Variants in BAIAP3 observed in about 807,000 individuals in gnomAD.
BAIAP3 encodes BAI1 associated protein 3.
A neutral mutation model predicts 149.7 loss-of-function variants in BAIAP3; 180 were observed. The observed-to-expected ratio is 1.20, with a 90% CI of 1.07 to 1.36. The LOEUF (loss-of-function observed/expected upper bound fraction) is 1.36. Among genes scored for constraint, BAIAP3 ranks in the 40% most tolerant of loss-of-function variants. BAIAP3 has a pLI of 0.00. For synonymous variants in BAIAP3, 845 were observed against 670.7 expected (o/e 1.26, Z -4.02); for missense variants, 1,767 against 1,563.4 (o/e 1.13, Z -2.20).
chr16:1,341,637 G>C, intron 8 of BAIAP3, 148 bp downstream of exon 8: 1 of 1,257,258 alleles, frequency 8.0e-7, no homozygotes. Context: ...GAGGCCCAGA[G>C]ATGGGCGTTG....
intron 28 of BAIAP3, 56 bp from the exon 29 acceptor site, chr16:1,347,242 C>A: frequency 6.4e-7 from 1 of 1,558,294 alleles, no homozygotes; most frequent in Non-Finnish European, 8.8e-7. Context: ...GGGTCTCTAC[C>A]TGTCCCCAGC....
Position 1,348,220 on chromosome 16 carries a change from G to A in BAIAP3, c.3274G>A (p.Gly1092Ser). The change falls in exon 33 of 34, where the codon GGT becomes AGT. Residue 1092 changes from glycine to serine, a missense_variant. Gly to Ser is a moderately conservative substitution (Grantham distance 56, BLOSUM62 0). Coordinates refer to ENST00000426824, the MANE Select transcript of BAIAP3 (RefSeq NM_001199097.2). The stretch of plus-strand genomic sequence containing the variant: ...GGCCCTCGGCCTAGGTGGCGTCACT[G>A]GTGTCGCCCGGCCCCAGGTGGGCGG... The part of the protein sequence containing the change: ...EAALGLGGVT[G>S]VARPQVGGGA... 6.2e-7 allele frequency: 1 copy of A among 1,607,748 alleles called. No homozygotes were observed. Among genetic ancestry groups the A allele is most frequent in the Non-Finnish European group, 8.5e-7 (1 of 1,179,086 alleles).
intron 8 of BAIAP3, 84 bp downstream of exon 8, chr16:1,341,573 CA>C: frequency 6.7e-7 from 1 of 1,482,694 alleles, no homozygotes; most frequent in Non-Finnish European, 9.1e-7. Flanking sequence ...TGGTGGCTCG[CA>C]GCAGCTCCCG....
At position 1,339,248 on chromosome 16, in the gene BAIAP3, A is replaced by G. The variant is rs1196457719; in HGVS notation, c.300+4A>G. 9 of 1,561,040 alleles carry G rather than the reference A, an allele frequency of 5.8e-6. No homozygotes were observed. In the South Asian group the frequency reaches 1.1e-4, roughly 18 times the overall value. On this transcript the variant is annotated splice_donor_region_variant and intron_variant, in intron 4 of 33. Coordinates refer to ENST00000426824, the MANE Select transcript of BAIAP3 (RefSeq NM_001199097.2). ...GAGAGCCCTGGCCCCAGAGGAGGTA[A>G]AGGTGGGGGTCGGAACCAGGGGCAG...
In BAIAP3 at chr16:1,342,832, G is replaced by C; in HGVS notation, c.1161+18G>C. On this transcript the variant is annotated intron_variant, in intron 13 of 33. Transcript: ENST00000426824. ...CAGAGGAGGTAGTGGGTGCGCCTAG[G>C]ATTGGAACAGCCCGGCAGGGGGCCT... is the stretch of plus-strand genomic sequence containing the variant. The C allele has an allele frequency of 6.2e-7, 1 of 1,612,576 alleles. No homozygotes were observed. Among genetic ancestry groups the C allele is most frequent in the Non-Finnish European group, 8.5e-7 (1 of 1,179,938 alleles).
rs534123581 is a variant in BAIAP3, at chr16:1,338,665, C to G, written c.116C>G (p.Pro39Arg). The G allele has an allele frequency of 1.1e-4, 176 of 1,585,608 alleles. 2 individuals are homozygous for G. In the South Asian group the frequency reaches 1.9e-3, roughly 17 times the overall value. Residue 39 changes from proline to arginine, a missense_variant, in exon 2 of 34, where the codon CCT becomes CGT. Coordinates refer to ENST00000426824, the MANE Select transcript of BAIAP3 (RefSeq NM_001199097.2). ...PGSASADPQE[P>R]ATGAWKPGDG... ...AGTGCCAGCGCCGACCCGCAGGAGCCTGCCACGGGGGCCTGGTGGGTGCCG... is the reference window on the plus strand; with the variant it reads ...AGTGCCAGCGCCGACCCGCAGGAGCGTGCCACGGGGGCCTGGTGGGTGCCG...
Position 1,342,220 on chromosome 16 carries a change from G to A in BAIAP3, c.894G>A (p.Gly298=), listed in dbSNP as rs778080079. ...KQIVKSARAN[G]TAGPTEDHTD... is the part of the protein sequence containing the mutation. Reference sequence around the variant, plus strand: ...TCGTCAAGTCAGCCCGCGCAAACGGGACAGCAGGACCCACCGAGGACCACA... The same window carrying A: ...TCGTCAAGTCAGCCCGCGCAAACGGAACAGCAGGACCCACCGAGGACCACA... Residue 298 remains glycine, a synonymous_variant, in exon 11 of 34, where the codon GGG becomes GGA. Transcript: ENST00000426824. The A allele has an allele frequency of 8.7e-6, 14 of 1,607,584 alleles. No homozygotes were observed. The highest frequency in any genetic ancestry group is 1.7e-5 in the Admixed American group (1 of 59,728).
Position 1,348,463 on chromosome 16 carries a change from G to C in BAIAP3, c.3440G>C (p.Cys1147Ser). Residue 1147 changes from cysteine (C) to serine (S), a missense_variant, in exon 34 of 34, where the codon TGC becomes TCC. Transcript: ENST00000426824. ...FVKKLKELEKCMEADP is the reference protein window; with the variant it reads ...FVKKLKELEKSMEADP ...AAGAAACTCAAGGAGCTGGAGAAGT[G>C]CATGGAGGCGGACCCCTGAGTCCAT... 6.2e-7 allele frequency: 1 copy of C among 1,610,874 alleles called. No homozygotes were observed. The highest frequency in any genetic ancestry group is 8.5e-7 in the Non-Finnish European group (1 of 1,179,150).
At chr16:1,347,847 G>T (rs978705992) in intron 31 of BAIAP3, 26 bp downstream of exon 31, 2 of 1,605,156 alleles carry the variant, frequency 1.2e-6, no homozygotes, top group African/African-American at 1.3e-5. Flanking sequence ...GACGGGTCGG[G>T]TGGTGGTGGG....
At chr16:1,346,582 G>T in intron 26 of BAIAP3, 23 bp from the exon 27 acceptor site, 1 of 1,564,356 alleles carries the variant, frequency 6.4e-7, no homozygotes, top group Non-Finnish European at 8.7e-7. Flanking sequence ...GGGTAAGCCT[G>T]GCCTGACCAC....
rs146090186 is a variant in BAIAP3 at position 1,334,787 on chromosome 16, C to A, written c.-11+1038C>A. ...ACCAGGGAGAGATTCCTGCGGGAAA[C>A]CCCCAGGGCCTGGTGAAGGGGAGTC... is the stretch of plus-strand genomic sequence containing the variant. On this transcript the variant is annotated intron_variant, in intron 1 of 33. Transcript: ENST00000426824. 2,402 of 1,533,516 alleles carry A rather than the reference C, an allele frequency of 1.6e-3. 37 individuals are homozygous for A. The African/African-American group carries it at 0.03, about 19-fold the overall frequency. 95.0% of individuals were successfully genotyped at this position (1,533,516 alleles called of 1,614,324 possible).
In BAIAP3 at chr16:1,344,520, G is replaced by A. The variant is rs747224682; in HGVS notation, c.1654G>A (p.Glu552Lys). 5 of 1,612,982 alleles carry A rather than the reference G, an allele frequency of 3.1e-6. No homozygotes were observed. Among genetic ancestry groups the A allele is most frequent in the Non-Finnish European group, 4.2e-6 (5 of 1,179,948 alleles). Residue 552 changes from glutamate to lysine, a missense_variant, in exon 18 of 34, where the codon GAG (glutamate) becomes AAG (lysine). Transcript: ENST00000426824. The part of the protein sequence containing the change: ...DRILNDKSPR[E>K]QPGPQRLPGL... ...GATCCTGAATGACAAGAGTCCCCGA[G>A]AGCAGGTGCAGTTGTGGGGGACCCT...
Position 1,342,294 on chromosome 16 carries a change from GT to G in BAIAP3, c.957+12del. 1 of 1,610,532 alleles carries G rather than the reference GT, an allele frequency of 6.2e-7. No homozygotes were observed. Among genetic ancestry groups the G allele is most frequent in the Middle Eastern group, 1.7e-4 (1 of 6,052 alleles). ...AACATACCTGTCCGGGTGAGTGGGTGTGGGGTGGGGCTGGTGACACTTAGAG... is the reference window on the plus strand; with the variant it reads ...AACATACCTGTCCGGGTGAGTGGGTGGGGGTGGGGCTGGTGACACTTAGAG... On this transcript the variant is annotated intron_variant, in intron 11 of 33. Transcript: ENST00000426824.
At position 1,341,310 on chromosome 16, in the gene BAIAP3, C is replaced by G; in HGVS notation, c.552C>G (p.Tyr184Ter). 1 of 1,611,004 alleles carries G rather than the reference C, an allele frequency of 6.2e-7. No individual in the cohort carries two copies. The highest frequency in any genetic ancestry group is 8.5e-7 in the Non-Finnish European group (1 of 1,179,008). ...AKDPNGFSDP[Y>*]CMLGILPASD... ...CGTGCCCAGGCTTCAGCGACCCATA[C>G]TGCATGCTGGGCATCCTGCCTGCCT... The change falls in exon 8 of 34, where the codon TAC (tyrosine) becomes TAG (stop). Residue 184 changes from tyrosine to a stop codon, truncating the protein, a stop_gained. Transcript: ENST00000426824. LOFTEE classifies it high-confidence loss of function.
At chr16:1,343,165 G>T in intron 14 of BAIAP3, 149 bp downstream of exon 14, 1 of 1,110,334 alleles carries the variant, frequency 9.0e-7, no homozygotes, top group South Asian at 1.5e-5. Context: ...CGCTGATTGG[G>T]CGGGAAGGGA....
Position 1,348,531 on chromosome 16 carries a change from A to G in BAIAP3, c.*49A>G, listed in dbSNP as rs1328980272. 6.5e-7 allele frequency: 1 copy of G among 1,535,406 alleles called. No homozygotes were observed. The highest frequency in any genetic ancestry group is 1.9e-5 in the Admixed American group (1 of 52,298). ...CCTGGCCCCCACCCCAAGTTCCCTG[A>G]AGCATCCTCCAGCTCACTGTGGCCA... On this transcript the variant is annotated 3_prime_UTR_variant, in exon 34 of 34. Coordinates refer to ENST00000426824, the MANE Select transcript of BAIAP3 (RefSeq NM_001199097.2).
chr16:1,346,075 G>A lies in BAIAP3; in HGVS notation c.2298G>A (p.Glu766=), dbSNP rs754978855. 6.2e-7 allele frequency: 1 copy of A among 1,610,536 alleles called. No individual in the cohort carries two copies. The highest frequency in any genetic ancestry group is 1.3e-5 in the African/African-American group (1 of 75,068). ...GGGCGGCCGGTGAAGCAGTGAGCGAGGCGGTGAGTGACCAGCTGGGGAGGG... is the reference window on the plus strand; with the variant it reads ...GGGCGGCCGGTGAAGCAGTGAGCGAAGCGGTGAGTGACCAGCTGGGGAGGG... ...QPGAAGEAVS[E]ALCVVLNNVE... Residue 766 remains glutamate (E), a synonymous_variant, in exon 24 of 34, where the codon GAG becomes GAA. Coordinates refer to ENST00000426824, the MANE Select transcript of BAIAP3 (RefSeq NM_001199097.2).
chr16:1,343,258 A>AAAGGGGCAGTGC, intron 14 of BAIAP3, 135 bp from the exon 15 acceptor site: 1 of 1,352,202 alleles, frequency 7.4e-7, no homozygotes, highest in South Asian at 1.4e-5. Context: ...GAGGGCAGGG[A>AAAGGGGCAGTGC]AAGGGGCAGT....
chr16:1,343,488 A>C lies in BAIAP3; in HGVS notation c.1361A>C (p.Glu454Ala), dbSNP rs760290122. ...GAGGACATGCAGGCACACTGGGAAG[A>C]GGCTCCTTCACTGCCCCAGGAGCAG... Reference protein sequence around the residue: ...LLEDMQAHWEEAPSLPQEQEE... With the variant: ...LLEDMQAHWEAAPSLPQEQEE... Residue 454 changes from glutamate (E) to alanine (A), a missense_variant, in exon 15 of 34, where the codon GAG becomes GCG. Coordinates refer to ENST00000426824, the MANE Select transcript of BAIAP3 (RefSeq NM_001199097.2). 14 of 1,605,228 alleles carry C rather than the reference A, an allele frequency of 8.7e-6. No individual in the cohort carries two copies. The highest frequency in any genetic ancestry group is 1.2e-5 in the Non-Finnish European group (14 of 1,177,440).
Sources: allele counts gnomAD v4.1 joint callset, GRCh38; gene constraint gnomAD v4.1.1; transcripts MANE v1.5; gene names NCBI Gene and HGNC (gene_info 2026-07-23, HGNC 2026-07-21).